MAGI2: variants seen among roughly 807,000 people sequenced by gnomAD.
MAGI2 encodes the protein membrane-associated guanylate kinase, WW and PDZ domain-containing protein 2.
In MAGI2, 35 loss-of-function variants were observed where a neutral mutation model predicts 133.3. The ratio of observed to expected loss-of-function variants is 0.26; its 90% confidence interval spans 0.20 to 0.35. The LOEUF (loss-of-function observed/expected upper bound fraction) is 0.35, where lower values mean the gene tolerates loss of function less well. Among genes scored for constraint, MAGI2 ranks in the 10% least tolerant of loss-of-function variants. MAGI2 has a pLI of 1.00. For missense variants in MAGI2, 1,636 were observed against 1,863.4 expected (o/e 0.88, Z 2.25); for synonymous variants, 729 against 710.6 (o/e 1.03, Z -0.41).
intron 10 of MAGI2, among the ~76,000 whole-genome samples, chr7:78,228,583 G>T (rs1212430483): frequency 6.6e-6 from 1 of 152,156 alleles, no homozygotes; most frequent in African/African-American, 2.4e-5. Flanking sequence ...CTTTAAATCA[G>T]CATTTTAGAA....
At position 78,256,380 on chromosome 7, in the gene MAGI2, A is replaced by G. The variant is rs1337388894; in HGVS notation, c.1610T>C (p.Met537Thr). 1.9e-6 allele frequency: 3 copies of G among 1,613,998 alleles called. No homozygotes were observed. The highest frequency in any genetic ancestry group is 3.3e-5 in the Admixed American group (2 of 60,008). ...LAIMERPPPV[M>T]VNGRHNYETY... ...TTCATAGTTGTGTCTTCCATTGACCATCACTGGAGGTGGCCTCTCCATTAT... is the reference window on the plus strand; with the variant it reads ...TTCATAGTTGTGTCTTCCATTGACCGTCACTGGAGGTGGCCTCTCCATTAT... Residue 537 changes from methionine (M) to threonine (T), a missense_variant, in exon 10 of 22, where the codon ATG becomes ACG. Physicochemically the swap from Met to Thr is moderately conservative, Grantham distance 81. Coordinates refer to ENST00000354212, the MANE Select transcript of MAGI2 (RefSeq NM_012301.4).
At chr7:78,699,567 C>T (rs1817859171) in intron 2 of MAGI2, among the ~76,000 whole-genome samples, 2 of 152,084 alleles carry the variant, frequency 1.3e-5, no homozygotes, top group African/African-American at 4.8e-5. Context: ...ACAAAAAATT[C>T]CAAGATCTCA....
chr7:79,436,384 G>A (rs959692249), intron 1 of MAGI2, among the ~76,000 whole-genome samples: 7 of 152,172 alleles, frequency 4.6e-5, no homozygotes, highest in Non-Finnish European at 7.4e-5. Context: ...CTTGTGCATA[G>A]CAAAAGGAAC....
intron 1 of MAGI2, among the ~76,000 whole-genome samples, chr7:79,135,225 A>AG (rs1821283736): frequency 1.2e-5 from 1 of 80,026 alleles, no homozygotes; most frequent in African/African-American, 2.8e-5. Flanking sequence ...TAAAAACTGT[A>AG]GGAAAAAAAA....
In MAGI2 at chr7:78,501,795, A is replaced by ATACGGC; in HGVS notation, c.755-9_755-8insGCCGTA. 6.2e-7 allele frequency: 1 copy of ATACGGC among 1,609,838 alleles called. No homozygotes were observed. Among genetic ancestry groups the ATACGGC allele is most frequent in the South Asian group, 1.1e-5 (1 of 90,960 alleles). On this transcript the variant is annotated splice_polypyrimidine_tract_variant and intron_variant, in intron 4 of 21. Coordinates refer to ENST00000354212, the MANE Select transcript of MAGI2 (RefSeq NM_012301.4). ...CTTCATGTTCACTGGATTCTATAAG[A>ATACGGC]GAACAAGAGCACGTGGTTAGTCACT... is the stretch of plus-strand genomic sequence containing the variant.
At chr7:78,959,372 C>G (rs1445685517) in intron 2 of MAGI2, among the ~76,000 whole-genome samples, 1 of 151,234 alleles carries the variant, frequency 6.6e-6, no homozygotes, top group Non-Finnish European at 1.5e-5. Flanking sequence ...CTTTAGAAGA[C>G]AAAGGAAAGG....
chr7:78,650,150 G>C (rs1417151319), intron 2 of MAGI2, among the ~76,000 whole-genome samples: 1 of 152,090 alleles, frequency 6.6e-6, no homozygotes, highest in Non-Finnish European at 1.5e-5. Context: ...GGTTATTCAG[G>C]GGTTTGGAAT....
intron 20 of MAGI2, among the ~76,000 whole-genome samples, chr7:78,118,002 T>A (rs529667744): frequency 6.6e-6 from 1 of 152,182 alleles, no homozygotes; most frequent in African/African-American, 2.4e-5. Flanking sequence ...GGTGAAAGAA[T>A]AGACGAATAG....
chr7:79,038,487 G>A (rs1227463718), intron 1 of MAGI2, among the ~76,000 whole-genome samples: 1 of 152,002 alleles, frequency 6.6e-6, no homozygotes, highest in Non-Finnish European at 1.5e-5. Context: ...TCTGTTATGA[G>A]CCAGTAGACT....
intron 13 of MAGI2, chr7:78,184,717 T>C (rs572348278): frequency 1.6e-4 from 25 of 152,228 alleles, no homozygotes; most frequent in Non-Finnish European, 3.2e-4. Context: ...TTAAATATTT[T>C]AGCCTAAACC....
At chr7:78,731,539 G>C (rs1024104635) in intron 2 of MAGI2, among the ~76,000 whole-genome samples, 1 of 152,140 alleles carries the variant, frequency 6.6e-6, no homozygotes, top group African/African-American at 2.4e-5. Flanking sequence ...ATACTAGCTG[G>C]TTGAAGGAGT....
At chr7:78,134,535 G>T (rs889144744) in intron 17 of MAGI2, 2 of 156,202 alleles carry the variant, frequency 1.3e-5, no homozygotes, top group African/African-American at 4.8e-5. Context: ...AGGCTCAGTG[G>T]GAATTTTAAA....
chr7:79,306,257 A>T (rs1837789671), intron 1 of MAGI2, among the ~76,000 whole-genome samples: 1 of 146,344 alleles, frequency 6.8e-6, no homozygotes. Context: ...TATTTTATTT[A>T]TATTTATATA....
chr7:78,376,952 A>G (rs934845893), intron 6 of MAGI2, among the ~76,000 whole-genome samples: 1 of 152,130 alleles, frequency 6.6e-6, no homozygotes, highest in Non-Finnish European at 1.5e-5. Flanking sequence ...GGCTACAAAG[A>G]AAGATTTGGG....
rs181169144 is a variant in MAGI2 at position 78,157,064 on chromosome 7, C to T, written c.2845+2961G>A. On this transcript the variant is annotated intron_variant, in intron 16 of 21. Coordinates refer to ENST00000354212, the MANE Select transcript of MAGI2 (RefSeq NM_012301.4). ...GCTTTTTACCATTCACGAGACACTT[C>T]GCATTTCTCTTCAAAATTAGAATTC... is the stretch of plus-strand genomic sequence containing the variant. 6.6e-5 allele frequency among the ~76,000 whole-genome samples: 10 copies of T among 152,268 alleles called. No individual in the cohort carries two copies. In the East Asian group the frequency reaches 1.5e-3, roughly 23 times the overall value.
In MAGI2 at chr7:78,975,123, G is replaced by C. The variant is rs920289335; in HGVS notation, c.418+31967C>G. Among the ~76,000 whole-genome samples the C allele has an allele frequency of 2.2e-4, 34 of 151,686 alleles. 1 individual carries two copies. The highest frequency in any genetic ancestry group is 1.7e-3 in the Admixed American group (26 of 15,166). On this transcript the variant is annotated intron_variant, in intron 2 of 21. Coordinates refer to ENST00000354212, the MANE Select transcript of MAGI2 (RefSeq NM_012301.4). Reference sequence around the variant, plus strand: ...CATCTGCCAGTGATTGAAAAACCAAGCAAGCAGGACATCAGTAAGGATATA... The same window carrying C: ...CATCTGCCAGTGATTGAAAAACCAACCAAGCAGGACATCAGTAAGGATATA...
At chr7:78,585,418 A>G (rs1257612474) in intron 3 of MAGI2, among the ~76,000 whole-genome samples, 1 of 152,222 alleles carries the variant, frequency 6.6e-6, no homozygotes, top group Non-Finnish European at 1.5e-5. Context: ...GACTGTACCC[A>G]GGAAGAACTG....
chr7:78,277,224 C>T (rs1162822176), intron 9 of MAGI2, among the ~76,000 whole-genome samples: 2 of 152,062 alleles, frequency 1.3e-5, no homozygotes, highest in African/African-American at 4.8e-5. Context: ...GTATAGTAAA[C>T]TATGATTTAG....
At chr7:78,257,601 A>T (rs1040989396) in intron 9 of MAGI2, among the ~76,000 whole-genome samples, 1 of 152,258 alleles carries the variant, frequency 6.6e-6, no homozygotes, top group South Asian at 2.1e-4. Context: ...CCTGCTTAAA[A>T]TGCAGAAAAT....
Sources: gnomAD v4.1 joint callset for allele counts (sites outside exome capture counted in the v4.1 genomes callset) on GRCh38, gnomAD v4.1.1 for gene constraint, MANE v1.5 for transcripts, NCBI Gene and HGNC (gene_info 2026-07-23, HGNC 2026-07-21) for gene names.